Variants in MTOR observed in about 807,000 individuals in gnomAD.
MTOR encodes serine/threonine-protein kinase mTOR.
Under a neutral mutation model 319.8 loss-of-function variants are expected in MTOR, and 70 were observed. The observed-to-expected ratio is 0.22, with a 90% CI of 0.18 to 0.27. The LOEUF (loss-of-function observed/expected upper bound fraction) is 0.27, where lower values mean the gene tolerates loss of function less well. Ranked by LOEUF, MTOR falls within the 10% of genes least tolerant of loss-of-function variation. The probability of loss-of-function intolerance (pLI) is 1.00; values close to 1 mark genes in which losing one functional copy is unlikely to be tolerated. For missense variants in MTOR, 1,890 were observed against 3,274.4 expected, an observed-to-expected ratio of 0.58 and a Z score of 10.32; for synonymous variants, 1,183 against 1,211.4, an observed-to-expected ratio of 0.98 and a Z score of 0.49.
intron 30 of MTOR, among the ~76,000 whole-genome samples, chr1:11,154,997 A>T (rs1429764914): frequency 6.6e-6 from 1 of 152,200 alleles, no homozygotes; most frequent in Admixed American, 6.6e-5. Context: ...AAATAAAAAA[A>T]ATTAGCCCAC....
intron 15 of MTOR, 95 bp downstream of exon 15, chr1:11,233,303 T>A: frequency 8.5e-7 from 1 of 1,175,952 alleles, no homozygotes; most frequent in Non-Finnish European, 1.2e-6. Context: ...ATGTGAGACC[T>A]TTCATTTAAA....
Position 11,157,384 on chromosome 1 carries a change from T to C in MTOR, c.4330-93A>G, listed in dbSNP as rs1238635193. 3.8e-5 allele frequency: 54 copies of C among 1,425,828 alleles called. No individual in the cohort carries two copies. In the East Asian group the frequency reaches 1.3e-3, roughly 35 times the overall value. The allele number at this position is 1,425,828 out of a possible 1,614,324, so 88.3% of individuals were successfully genotyped here. Reference sequence around the variant, plus strand: ...TACTCTCTTTCCTAATGTGCTGCTGTACGCATGACACTTCACCTATCACAG... The same window carrying C: ...TACTCTCTTTCCTAATGTGCTGCTGCACGCATGACACTTCACCTATCACAG... On this transcript the variant is annotated intron_variant, in intron 29 of 57. Coordinates refer to ENST00000361445, the MANE Select transcript of MTOR (RefSeq NM_004958.4).
At chr1:11,217,708 G>A (rs1034487833) in intron 19 of MTOR, among the ~76,000 whole-genome samples, 5 of 151,146 alleles carry the variant, frequency 3.3e-5, no homozygotes, top group Non-Finnish European at 7.4e-5. Flanking sequence ...ACCACGCCTG[G>A]CCCCCTTCCC....
intron 26 of MTOR, among the ~76,000 whole-genome samples, chr1:11,202,265 T>C (rs2100756254): frequency 6.6e-6 from 1 of 151,544 alleles, no homozygotes; most frequent in African/African-American, 2.4e-5. Flanking sequence ...CCATCTCTAC[T>C]AAAAGTACAA....
Position 11,258,711 on chromosome 1 carries a change from A to G in MTOR, c.163-118T>C, listed in dbSNP as rs147394482. 120 of 665,912 alleles carry G rather than the reference A, an allele frequency of 1.8e-4. No individual in the cohort carries two copies. In the African/African-American group the frequency reaches 2.0e-3, roughly 11 times the overall value. The allele number at this position is 665,912 out of a possible 1,614,324, so 41.3% of individuals were successfully genotyped here. A position where few individuals can be genotyped will look rare whatever the true frequency, so the allele number is the denominator to read the frequency against. On this transcript the variant is annotated intron_variant, in intron 2 of 57. Transcript: ENST00000361445. ...GCAGGAGGTATAGTTCAAACCAAAG[A>G]AGACAAGTTACTGCCCATTTCTATA...
chr1:11,117,506 A>G (rs1358044146), intron 49 of MTOR, among the ~76,000 whole-genome samples: 1 of 152,228 alleles, frequency 6.6e-6, no homozygotes, highest in Non-Finnish European at 1.5e-5. Flanking sequence ...GTTAGAATGT[A>G]TAACATTATA....
chr1:11,117,074 G>A lies in MTOR; in HGVS notation c.6946C>T (p.Arg2316Ter), dbSNP rs1570913363. Residue 2316 changes from arginine (R) to a stop codon, truncating the protein, a stop_gained, in exon 50 of 58, where the codon CGA (arginine) becomes TGA (stop). Transcript: ENST00000361445. LOFTEE classifies it high-confidence loss of function. ...AAAGAACGGGTATAATTGGTTCTTC[G>A]GTCAAACCACACCTAGAACACAGGA... ...KSPSSEVWFD[R>*]RTNYTRSLAV... 1 of 1,612,430 alleles carries A rather than the reference G, an allele frequency of 6.2e-7. No homozygotes were observed. The highest frequency in any genetic ancestry group is 8.5e-7 in the Non-Finnish European group (1 of 1,179,626).
intron 34 of MTOR, among the ~76,000 whole-genome samples, chr1:11,143,079 G>C (rs1458016352): frequency 1.3e-5 from 2 of 152,164 alleles, no homozygotes; most frequent in Non-Finnish European, 2.9e-5. Flanking sequence ...ATCCCATGAA[G>C]TGTGACAACA....
intron 5 of MTOR, among the ~76,000 whole-genome samples, chr1:11,255,686 A>G (rs1005817340): frequency 6.6e-6 from 1 of 151,858 alleles, no homozygotes; most frequent in East Asian, 1.9e-4. Context: ...CCCTGTCTCT[A>G]TTACAAAAAT....
Position 11,127,363 on chromosome 1 carries a change from C to T in MTOR, c.6217-219G>A, listed in dbSNP as rs373142427. Among the ~76,000 whole-genome samples the T allele has an allele frequency of 3.8e-4, 58 of 152,270 alleles. No individual in the cohort carries two copies. The South Asian group carries it at 8.5e-3, about 22-fold the overall frequency. On this transcript the variant is annotated intron_variant, in intron 44 of 57. Coordinates refer to ENST00000361445, the MANE Select transcript of MTOR (RefSeq NM_004958.4). The surrounding 1 kb of genome is among the most constrained non-coding windows in gnomAD (Gnocchi z 5.5). ...AGGGAAGGAAGGGTGAGAGGAGAGA[C>T]GAGATGACCTCTTGAGAAATCTTGG...
Position 11,237,993 on chromosome 1 carries a change from G to A in MTOR, c.2058C>T (p.His686=), listed in dbSNP as rs1647437676. ...LASLDERFDA[H]LAQAENLQAL... ...CCTGCAAGTTCTCCGCCTGGGCCAG[G>A]TGTGCATCAAAGCGCTCGTCCAGGG... Residue 686 remains histidine, a synonymous_variant, in exon 13 of 58, where the codon CAC becomes CAT. Transcript: ENST00000361445. 1.2e-6 allele frequency: 2 copies of A among 1,614,222 alleles called. No individual in the cohort carries two copies. Among genetic ancestry groups the A allele is most frequent in the South Asian group, 1.1e-5 (1 of 91,084 alleles).
intron 28 of MTOR, among the ~76,000 whole-genome samples, chr1:11,181,294 C>G (rs1042883876): frequency 5.9e-5 from 9 of 152,030 alleles, no homozygotes; most frequent in Non-Finnish European, 1.0e-4. Context: ...TGAGACACAG[C>G]CTGGTGATGT....
intron 19 of MTOR, among the ~76,000 whole-genome samples, chr1:11,217,765 G>A (rs890647917): frequency 1.3e-5 from 2 of 151,582 alleles, no homozygotes; most frequent in Non-Finnish European, 2.9e-5. Context: ...CATTAACAAG[G>A]ATAATTTAGA....
chr1:11,161,598 C>G (rs981364051), intron 29 of MTOR, among the ~76,000 whole-genome samples: 1 of 152,134 alleles, frequency 6.6e-6, no homozygotes, highest in Non-Finnish European at 1.5e-5. Context: ...TCCAGAGGAA[C>G]GATCAGGCAG....
At position 11,129,865 on chromosome 1, in the gene MTOR, C is replaced by T. The variant is rs780195496; in HGVS notation, c.5614-27G>A. Reference sequence around the variant, plus strand: ...TGTTGGAACACACACGTGTTAGCGACACTCTTGCCTCTGCTTTCTCATCTG... The same window carrying T: ...TGTTGGAACACACACGTGTTAGCGATACTCTTGCCTCTGCTTTCTCATCTG... On this transcript the variant is annotated intron_variant, in intron 39 of 57. Coordinates refer to ENST00000361445, the MANE Select transcript of MTOR (RefSeq NM_004958.4). This position sits in a 1 kb window ranked among gnomAD's most constrained non-coding sequence, Gnocchi z 4.7. The T allele has an allele frequency of 1.1e-5, 17 of 1,595,254 alleles. No homozygotes were observed. In the South Asian group the frequency reaches 1.9e-4, roughly 18 times the overall value.
At chr1:11,108,532 G>A (rs1641689132) in intron 56 of MTOR, among the ~76,000 whole-genome samples, 1 of 151,924 alleles carries the variant, frequency 6.6e-6, no homozygotes, top group East Asian at 1.9e-4. Flanking sequence ...TGGCCAACAT[G>A]GTGAAACCCT....
chr1:11,111,834 C>T (rs895996116), intron 54 of MTOR: 1 of 151,930 alleles, frequency 6.6e-6, no homozygotes, highest in Admixed American at 6.6e-5. Context: ...TTTTTTACAC[C>T]CTAACAGTAA....
rs575089068 is a variant in MTOR at position 11,118,051 on chromosome 1, C to T, written c.6934-965G>A. 2.3e-3 allele frequency among the ~76,000 whole-genome samples: 353 copies of T among 151,592 alleles called. 2 individuals carry two copies. Among genetic ancestry groups the T allele is most frequent in the South Asian group, 0.013 (64 of 4,768 alleles). On this transcript the variant is annotated intron_variant, in intron 49 of 57. Coordinates refer to ENST00000361445, the MANE Select transcript of MTOR (RefSeq NM_004958.4). ...CCAAAATCATGCCACTGCACTCCAG[C>T]CTGGGCAACAAGAGCGAAACTCTCT...
intron 28 of MTOR, among the ~76,000 whole-genome samples, chr1:11,167,767 T>C (rs562978635): frequency 1.3e-5 from 2 of 152,344 alleles, no homozygotes; most frequent in Admixed American, 6.5e-5. Context: ...TCTGTGGCCC[T>C]TCCTTTAAGA....
Sources: allele counts gnomAD v4.1 joint callset (sites outside exome capture counted in the v4.1 genomes callset), GRCh38; gene constraint gnomAD v4.1.1; non-coding constraint Gnocchi (gnomAD v3.1); transcripts MANE v1.5; gene names NCBI Gene and HGNC (gene_info 2026-07-23, HGNC 2026-07-21).